Variants in INSC observed in about 807,000 individuals in gnomAD.
INSC encodes the protein INSC spindle orientation adaptor protein, also known as protein inscuteable homolog.
A neutral mutation model predicts 58.6 loss-of-function variants in INSC; 67 were observed. That is an observed-to-expected ratio of 1.14 (90% confidence interval 0.94 to 1.40). The LOEUF (loss-of-function observed/expected upper bound fraction) is 1.40. INSC is among the 40% of genes most tolerant of loss of function. The pLI, the probability that INSC is intolerant of heterozygous loss-of-function variation, is 0.00. For missense variants in INSC, 714 were observed against 692.0 expected (o/e 1.03, Z -0.36); for synonymous variants, 262 against 276.1 (o/e 0.95, Z 0.51).
At chr11:15,233,314 T>C (rs1223109976) in intron 9 of INSC, among the ~76,000 whole-genome samples, 1 of 152,222 alleles carries the variant, frequency 6.6e-6, no homozygotes, top group Non-Finnish European at 1.5e-5. Context: ...GCTCCTGCAC[T>C]CTGCCCCCTG....
At position 15,178,455 on chromosome 11, in the gene INSC, C is replaced by A; in HGVS notation, c.579+8C>A. The A allele has an allele frequency of 6.2e-7, 1 of 1,607,516 alleles. No homozygotes were observed. Among genetic ancestry groups the A allele is most frequent in the Non-Finnish European group, 8.5e-7 (1 of 1,179,620 alleles). ...CTGACACGGGAGGTTCAGGTCAGTG[C>A]AGGCTGGGCTGCAGGGAGGGGTGCT... On this transcript the variant is annotated splice_region_variant and intron_variant, in intron 5 of 12. Coordinates refer to ENST00000379556, the MANE Select transcript of INSC (RefSeq NM_001042536.3).
At chr11:15,182,801 T>G (rs1000207381) in intron 5 of INSC, among the ~76,000 whole-genome samples, 1 of 152,160 alleles carries the variant, frequency 6.6e-6, no homozygotes, top group Non-Finnish European at 1.5e-5. Flanking sequence ...CAATTTTCAT[T>G]TGTTTTCTTT....
At chr11:15,139,741 G>A (rs927932725) in intron 1 of INSC, among the ~76,000 whole-genome samples, 2 of 152,202 alleles carry the variant, frequency 1.3e-5, no homozygotes, top group African/African-American at 2.4e-5. Context: ...TTGAACCTGG[G>A]CAGTTGACTC....
intron 9 of INSC, among the ~76,000 whole-genome samples, chr11:15,229,996 TATATATATATATATATAATATATATA>T (rs1564917552): frequency 0.063 from 1,661 of 26,552 alleles, 60 homozygotes; most frequent in Non-Finnish European, 0.083. Flanking sequence ...TATATATATA[TATATATATATATATATAATATATATA>T]TATATATATA....
chr11:15,152,509 G>A (rs1848687100), intron 2 of INSC, among the ~76,000 whole-genome samples: 1 of 152,136 alleles, frequency 6.6e-6, no homozygotes, highest in African/African-American at 2.4e-5. Flanking sequence ...CTTTAACTAG[G>A]ATCTTTCCCC....
the INSC span, among the ~76,000 whole-genome samples, chr11:15,259,640 C>T: frequency 3.9e-5 from 6 of 152,184 alleles, no homozygotes; most frequent in Middle Eastern, 3.4e-3. Flanking sequence ...TACTGACGTG[C>T]GAGACAGTTT....
chr11:15,216,606 T>A (rs1001930778), intron 7 of INSC, among the ~76,000 whole-genome samples: 1 of 152,234 alleles, frequency 6.6e-6, no homozygotes, highest in Non-Finnish European at 1.5e-5. Context: ...GTTGCAATTA[T>A]TCATTGCATT....
chr11:15,206,062 CT>C (rs1162433142), intron 7 of INSC, among the ~76,000 whole-genome samples: 4 of 152,230 alleles, frequency 2.6e-5, no homozygotes, highest in Non-Finnish European at 4.4e-5. Context: ...GCATCCTAAG[CT>C]TCAGGACATC....
intron 4 of INSC, among the ~76,000 whole-genome samples, chr11:15,177,672 A>G (rs923404673): frequency 6.6e-6 from 1 of 152,192 alleles, no homozygotes; most frequent in African/African-American, 2.4e-5. Flanking sequence ...AGATATGTAC[A>G]CACACTCAGC....
At chr11:15,260,257 T>A in the INSC span, among the ~76,000 whole-genome samples, 1 of 152,140 alleles carries the variant, frequency 6.6e-6, no homozygotes, top group Non-Finnish European at 1.5e-5. Context: ...TGGCTGTAAA[T>A]GTCATCTGGG....
chr11:15,243,943 A>G (rs1852460948), intron 12 of INSC, among the ~76,000 whole-genome samples: 1 of 147,266 alleles, frequency 6.8e-6, no homozygotes, highest in Admixed American at 6.8e-5. Context: ...TTCTTCACCA[A>G]GTTCATCTCT....
At chr11:15,158,890 G>C (rs900931008) in intron 2 of INSC, among the ~76,000 whole-genome samples, 2 of 83,984 alleles carry the variant, frequency 2.4e-5, no homozygotes, top group African/African-American at 1.0e-4. Flanking sequence ...TTGCCTGTTT[G>C]GGTCTTGGCT....
intron 6 of INSC, among the ~76,000 whole-genome samples, chr11:15,195,709 T>C (rs1850346392): frequency 6.6e-6 from 1 of 152,180 alleles, no homozygotes; most frequent in African/African-American, 2.4e-5. Context: ...CCCAAACATT[T>C]CCAGTGGTAG....
At chr11:15,197,011 GC>G (rs1160016894) in intron 6 of INSC, among the ~76,000 whole-genome samples, 2 of 152,078 alleles carry the variant, frequency 1.3e-5, no homozygotes, top group Non-Finnish European at 2.9e-5. Context: ...AACCTTCCAT[GC>G]CCATTGTTTA....
chr11:15,205,677 G>C (rs1188645922), intron 7 of INSC, among the ~76,000 whole-genome samples: 1 of 152,140 alleles, frequency 6.6e-6, no homozygotes, highest in East Asian at 1.9e-4. Flanking sequence ...GGGTGGTCCA[G>C]GGGGGATGAG....
chr11:15,267,929 G>T, the INSC span, among the ~76,000 whole-genome samples: 1 of 151,904 alleles, frequency 6.6e-6, no homozygotes, highest in East Asian at 1.9e-4. Context: ...AATCTTCAGA[G>T]CTCTCTCTCT....
intron 5 of INSC, among the ~76,000 whole-genome samples, chr11:15,179,086 TA>T (rs1407799151): frequency 2.0e-5 from 3 of 152,240 alleles, no homozygotes; most frequent in Admixed American, 2.0e-4. Context: ...CTGGCCTATC[TA>T]CTTTCTATCT....
chr11:15,181,345 T>C (rs1384203200), intron 5 of INSC, among the ~76,000 whole-genome samples: 1 of 152,240 alleles, frequency 6.6e-6, no homozygotes, highest in Non-Finnish European at 1.5e-5. Flanking sequence ...TTTTAGGAAA[T>C]GCAATTCGAG....
chr11:15,185,814 G>A (rs1366520387), intron 5 of INSC, among the ~76,000 whole-genome samples: 3 of 152,046 alleles, frequency 2.0e-5, no homozygotes, highest in Admixed American at 6.5e-5. Flanking sequence ...GTCAACATTT[G>A]CAATTTTCTG....
Sources: gnomAD v4.1 joint callset for allele counts (sites outside exome capture counted in the v4.1 genomes callset) on GRCh38, gnomAD v4.1.1 for gene constraint, MANE v1.5 for transcripts, NCBI Gene and HGNC (gene_info 2026-07-23, HGNC 2026-07-21) for gene names.